The following FOXN3 variants were observed in gnomAD, a reference collection of about 807,000 sequenced individuals.
The protein encoded by FOXN3 is forkhead box N3.
FOXN3 carries 7 observed loss-of-function variants against 38.4 expected under a neutral mutation model. The observed-to-expected ratio is 0.18, with a 90% CI of 0.10 to 0.34. The LOEUF (loss-of-function observed/expected upper bound fraction) is 0.34, where lower values mean the gene tolerates loss of function less well. Ranked by LOEUF, FOXN3 falls within the 10% of genes least tolerant of loss-of-function variation. The pLI, the probability that FOXN3 is intolerant of heterozygous loss-of-function variation, is 1.00. For synonymous variants in FOXN3, 230 were observed against 242.2 expected (o/e 0.95, Z 0.47); for missense variants, 456 against 613.4 (o/e 0.74, Z 2.71).
intron 1 of FOXN3, among the ~76,000 whole-genome samples, chr14:89,609,084 A>T (rs1896339068): frequency 6.6e-6 from 1 of 152,224 alleles, no homozygotes; most frequent in Admixed American, 6.5e-5. Context: ...AGGGGTGAAG[A>T]GACACTGACT....
rs190570142 is a variant in FOXN3, at chr14:89,397,149, C to G, written c.543+14785G>C. ...GTCTTTTACGGGAACATGGATGCAG[C>G]TGGAGGCCATTATCCTCAGTAAACT... is the stretch of plus-strand genomic sequence containing the variant. On this transcript the variant is annotated intron_variant, in intron 2 of 5. Coordinates refer to ENST00000557258, the MANE Select transcript of FOXN3 (RefSeq NM_005197.4). Among the ~76,000 whole-genome samples the G allele has an allele frequency of 2.3e-3, 345 of 152,206 alleles. 8 individuals are homozygous for G. Among genetic ancestry groups the G allele is most frequent in the Admixed American group, 0.018 (268 of 15,296 alleles).
At chr14:89,304,078 T>C (rs1336488441) in intron 3 of FOXN3, among the ~76,000 whole-genome samples, 6 of 152,226 alleles carry the variant, frequency 3.9e-5, no homozygotes, top group Admixed American at 2.0e-4. Flanking sequence ...CTGCTAAAAA[T>C]AGCTTTGATG....
At chr14:89,229,163 T>G (rs997961548) in intron 4 of FOXN3, among the ~76,000 whole-genome samples, 1 of 152,068 alleles carries the variant, frequency 6.6e-6, no homozygotes, top group Non-Finnish European at 1.5e-5. Flanking sequence ...CCAGCACTCG[T>G]GTCTAGGGAA....
In FOXN3 at chr14:89,483,076, G is replaced by A. The variant is rs556718086; in HGVS notation, c.-14-70586C>T. 1.6e-4 allele frequency among the ~76,000 whole-genome samples: 24 copies of A among 152,036 alleles called. No individual in the cohort carries two copies. The South Asian group carries it at 2.9e-3, about 18-fold the overall frequency. ...ACAAAAATTAGCCAGGTGTGGTGGC[G>A]CGCTTCTGTAATCCCAGCTACTCGG... On this transcript the variant is annotated intron_variant, in intron 1 of 6. Transcript: ENST00000345097.
chr14:89,541,548 A>C (rs892073435), intron 1 of FOXN3, among the ~76,000 whole-genome samples: 17 of 152,312 alleles, frequency 1.1e-4, no homozygotes, highest in Non-Finnish European at 2.2e-4. Flanking sequence ...GGCATGAATA[A>C]TCCCCCCCTT....
chr14:89,290,392 G>T, intron 3 of FOXN3: 1 of 362,074 alleles, frequency 2.8e-6, no homozygotes, highest in Non-Finnish European at 5.4e-6. Flanking sequence ...GAAATTGCTG[G>T]TACTCTCCCC....
intron 1 of FOXN3, among the ~76,000 whole-genome samples, chr14:89,429,654 C>A (rs1337644936): frequency 2.0e-5 from 3 of 151,994 alleles, no homozygotes; most frequent in African/African-American, 7.3e-5. Flanking sequence ...CAACGAAATA[C>A]AAAAGCCAAC....
intron 3 of FOXN3, among the ~76,000 whole-genome samples, chr14:89,289,181 C>CA (rs368044925): frequency 1.4e-4 from 15 of 105,082 alleles, no homozygotes; most frequent in South Asian, 3.6e-4. Context: ...AATTCTGTCT[C>CA]AAAAAAAAAA....
chr14:89,438,740 A>G (rs964911370), intron 1 of FOXN3, among the ~76,000 whole-genome samples: 1 of 151,060 alleles, frequency 6.6e-6, no homozygotes, highest in African/African-American at 2.4e-5. Flanking sequence ...ACTCACTCTT[A>G]TATCTGGTAC....
intron 1 of FOXN3, among the ~76,000 whole-genome samples, chr14:89,465,298 T>C (rs899749727): frequency 5.9e-5 from 9 of 152,014 alleles, no homozygotes; most frequent in East Asian, 2.0e-4. Context: ...CGCACGATCT[T>C]GGCTCACTGC....
intron 3 of FOXN3, among the ~76,000 whole-genome samples, chr14:89,321,874 G>A (rs1000488867): frequency 3.8e-4 from 58 of 151,996 alleles, no homozygotes; most frequent in African/African-American, 1.3e-3. Context: ...TATCTGAAGA[G>A]GCCCACGGCA....
chr14:89,601,114 C>T (rs909855332), intron 1 of FOXN3, among the ~76,000 whole-genome samples: 1 of 152,162 alleles, frequency 6.6e-6, no homozygotes, highest in African/African-American at 2.4e-5. Context: ...CAGGGAGATG[C>T]TCAATCAGAT....
At chr14:89,198,105 G>A (rs1361769958) in intron 4 of FOXN3, among the ~76,000 whole-genome samples, 3 of 152,068 alleles carry the variant, frequency 2.0e-5, no homozygotes, top group Non-Finnish European at 4.4e-5. Context: ...AAATATTAGG[G>A]AAAAATAATT....
chr14:89,168,484 T>C (rs1033962777), intron 5 of FOXN3, among the ~76,000 whole-genome samples: 6 of 152,100 alleles, frequency 3.9e-5, no homozygotes, highest in Admixed American at 1.3e-4. Context: ...TTAATTAATC[T>C]ACACTGAAGG....
At chr14:89,302,922 T>C (rs1033181968) in intron 3 of FOXN3, among the ~76,000 whole-genome samples, 5 of 152,206 alleles carry the variant, frequency 3.3e-5, no homozygotes, top group Non-Finnish European at 5.9e-5. Flanking sequence ...ACTTTATGTG[T>C]AGGGCATTCT....
At chr14:89,365,632 A>G (rs993728676) in intron 2 of FOXN3, among the ~76,000 whole-genome samples, 2 of 152,196 alleles carry the variant, frequency 1.3e-5, no homozygotes, top group Admixed American at 1.3e-4. Flanking sequence ...CTTCTTCTCC[A>G]TCTGAAACCT....
At chr14:89,166,565 A>G (rs1389504920) in intron 5 of FOXN3, among the ~76,000 whole-genome samples, 1 of 152,206 alleles carries the variant, frequency 6.6e-6, no homozygotes, top group Non-Finnish European at 1.5e-5. Flanking sequence ...AATTCAAAAT[A>G]TCTCCCTGTC....
intron 4 of FOXN3, among the ~76,000 whole-genome samples, chr14:89,231,505 C>T (rs1012011082): frequency 5.9e-5 from 9 of 151,956 alleles, no homozygotes; most frequent in Admixed American, 1.3e-4. Flanking sequence ...GCAGGGGTCT[C>T]GGTCCACTAT....
intron 3 of FOXN3, among the ~76,000 whole-genome samples, chr14:89,324,076 T>C (rs1297364899): frequency 6.6e-6 from 1 of 152,178 alleles, no homozygotes; most frequent in Admixed American, 6.5e-5. Context: ...GCCACCACCA[T>C]GTGATGTCTG....
Sources: gnomAD v4.1 joint callset for allele counts (sites outside exome capture counted in the v4.1 genomes callset) on GRCh38, gnomAD v4.1.1 for gene constraint, MANE v1.5 for transcripts, NCBI Gene and HGNC (gene_info 2026-07-23, HGNC 2026-07-21) for gene names.